HPRT1: variants seen among roughly 807,000 people sequenced by gnomAD.
HPRT1 encodes hypoxanthine-guanine phosphoribosyltransferase.
Under a neutral mutation model 19.0 loss-of-function variants are expected in HPRT1, and 4 were observed. That is an observed-to-expected ratio of 0.21 (90% CI 0.10 to 0.48). HPRT1 has a LOEUF of 0.48. HPRT1 is among the 20% of genes least tolerant of loss of function. HPRT1 has a pLI of 0.98. For missense variants in HPRT1, 65 were observed against 164.0 expected (o/e 0.40, Z 3.30); for synonymous variants, 53 against 54.9 (o/e 0.97, Z 0.15).
In HPRT1 at chrX:134,473,459, T is replaced by A. The variant is rs2077615837; in HGVS notation, c.128T>A (p.Met43Lys). Residue 43 changes from methionine to lysine, a missense_variant, in exon 2 of 9, where the codon ATG (methionine) becomes AAG (lysine). Physicochemically the swap from Met to Lys is moderately conservative, Grantham distance 95 (BLOSUM62 -1). Around this residue, in one of 4 missense-constraint regions of HPRT1, gnomAD observed 10 missense variants for 53.0 expected, o/e 0.19. Transcript: ENST00000298556. ...ERVFIPHGLI[M>K]DRTERLARDV... Reference sequence around the variant, plus strand: ...GTGTTTATTCCTCATGGACTAATTATGGACAGGTAAGTAAGATCTTAAAAT... The same window carrying A: ...GTGTTTATTCCTCATGGACTAATTAAGGACAGGTAAGTAAGATCTTAAAAT... The A allele has an allele frequency of 9.3e-7, 1 of 1,081,072 alleles. No homozygotes were observed. The highest frequency in any genetic ancestry group is 1.3e-6 in the Non-Finnish European group (1 of 777,444). The allele number at this position is 1,081,072 out of a possible 1,213,427, so 89.1% of individuals were successfully genotyped here. A position where few individuals can be genotyped will look rare whatever the true frequency, so the allele number is the denominator to read the frequency against.
intron 1 of HPRT1, among the ~76,000 whole-genome samples, chrX:134,463,587 C>T (rs1299180090): frequency 1.8e-5 from 2 of 111,490 alleles, no homozygotes; most frequent in African/African-American, 6.5e-5. Context: ...TACTACAAGT[C>T]TACTTTGTTT....
At chrX:134,463,257 C>T (rs1032178438) in intron 1 of HPRT1, among the ~76,000 whole-genome samples, 6 of 111,677 alleles carry the variant, frequency 5.4e-5, no homozygotes, top group African/African-American at 2.0e-4. Context: ...CTTGGACACA[C>T]TTGAGCTAAG....
intron 3 of HPRT1, among the ~76,000 whole-genome samples, chrX:134,478,865 A>T (rs1212701085): frequency 1.8e-5 from 2 of 112,114 alleles, no homozygotes; most frequent in Non-Finnish European, 3.8e-5. Context: ...ACTGATTTTA[A>T]GACTTAACAC....
At chrX:134,490,883 C>G (rs746270942) in intron 5 of HPRT1, among the ~76,000 whole-genome samples, 2 of 108,355 alleles carry the variant, frequency 1.8e-5, no homozygotes, top group South Asian at 8.1e-4. Context: ...TAAGGCCTTC[C>G]CTGGCCATCC....
intron 3 of HPRT1, among the ~76,000 whole-genome samples, chrX:134,478,206 T>G (rs1308619399): frequency 8.9e-6 from 1 of 111,990 alleles, no homozygotes; most frequent in African/African-American, 3.2e-5. Context: ...TAAAGAAATA[T>G]TCTATGAACT....
At chrX:134,484,627 T>C (rs994171761) in intron 3 of HPRT1, among the ~76,000 whole-genome samples, 2 of 112,405 alleles carry the variant, frequency 1.8e-5, no homozygotes, top group Non-Finnish European at 3.7e-5. Context: ...TGTTTAAATG[T>C]TGAATAAAAA....
At chrX:134,462,226 G>C in intron 1 of HPRT1, among the ~76,000 whole-genome samples, 1 of 111,119 alleles carries the variant, frequency 9.0e-6, no homozygotes, top group Admixed American at 9.6e-5. Context: ...TGTTGCCCGG[G>C]CTGGAGTACA....
chrX:134,463,060 A>G (rs779912344), intron 1 of HPRT1, among the ~76,000 whole-genome samples: 35 of 112,041 alleles, frequency 3.1e-4, no homozygotes, highest in Non-Finnish European at 6.4e-4. Flanking sequence ...TTTTGCAGGC[A>G]TTATCTAATG....
At chrX:134,480,546 G>A (rs1272460922) in intron 3 of HPRT1, among the ~76,000 whole-genome samples, 22 of 105,751 alleles carry the variant, frequency 2.1e-4, no homozygotes, top group African/African-American at 6.9e-4. Flanking sequence ...CTGGGCTCAA[G>A]GGATCCTCTG....
intron 5 of HPRT1, among the ~76,000 whole-genome samples, chrX:134,492,707 G>A (rs1204151630): frequency 8.9e-6 from 1 of 112,156 alleles, no homozygotes; most frequent in Non-Finnish European, 1.9e-5. Flanking sequence ...TCACAGGAGC[G>A]GCTATCCCGT....
intron 1 of HPRT1, among the ~76,000 whole-genome samples, chrX:134,466,098 A>G (rs1393024853): frequency 3.7e-5 from 4 of 109,392 alleles, no homozygotes; most frequent in Non-Finnish European, 7.6e-5. Flanking sequence ...GGTTGGGCCC[A>G]GGTCTGATTG....
intron 3 of HPRT1, among the ~76,000 whole-genome samples, chrX:134,479,701 G>A (rs2077634427): frequency 9.0e-6 from 1 of 110,853 alleles, no homozygotes; most frequent in African/African-American, 3.3e-5. Context: ...CTCTGCGTGG[G>A]CTCAAGCAAT....
At chrX:134,465,871 T>G (rs957606998) in intron 1 of HPRT1, among the ~76,000 whole-genome samples, 3 of 111,834 alleles carry the variant, frequency 2.7e-5, no homozygotes, top group Non-Finnish European at 3.8e-5. Context: ...CCTCCAGAGC[T>G]CTCAGATATT....
intron 8 of HPRT1, among the ~76,000 whole-genome samples, chrX:134,499,277 G>A (rs1602750243): frequency 9.0e-6 from 1 of 110,758 alleles, no homozygotes; most frequent in Non-Finnish European, 1.9e-5. Context: ...TCAGGAGTTC[G>A]AGACCAGCCT....
intron 3 of HPRT1, among the ~76,000 whole-genome samples, chrX:134,484,970 G>T (rs1336846337): frequency 8.9e-6 from 1 of 111,915 alleles, no homozygotes; most frequent in African/African-American, 3.3e-5. Flanking sequence ...ACCCGGCCCA[G>T]TGAACACTCT....
intron 3 of HPRT1, among the ~76,000 whole-genome samples, chrX:134,485,038 A>G (rs1462616771): frequency 9.0e-6 from 1 of 111,488 alleles, no homozygotes; most frequent in Non-Finnish European, 1.9e-5. Flanking sequence ...CAGAAGTGGG[A>G]TTACTGGATT....
At chrX:134,499,951 C>A in intron 8 of HPRT1, 79 bp from the exon 9 acceptor site, 1 of 659,687 alleles carries the variant, frequency 1.5e-6, no homozygotes, top group Non-Finnish European at 2.5e-6. Context: ...TAATAGTGTT[C>A]TTATATGTAA....
At chrX:134,467,803 C>G (rs2077600746) in intron 1 of HPRT1, among the ~76,000 whole-genome samples, 2 of 89,485 alleles carry the variant, frequency 2.2e-5, no homozygotes, top group African/African-American at 8.0e-5. Flanking sequence ...TAACCTGTAT[C>G]TTTTTTTTTT....
chrX:134,484,390 G>T (rs2077647245), intron 3 of HPRT1, among the ~76,000 whole-genome samples: 1 of 111,602 alleles, frequency 9.0e-6, no homozygotes, highest in Non-Finnish European at 1.9e-5. Context: ...TAGAATAAGG[G>T]ATGTCTGTAA....
Sources: gnomAD v4.1 joint callset for allele counts (sites outside exome capture counted in the v4.1 genomes callset) on GRCh38, gnomAD v4.1.1 for gene constraint, gnomAD v4.1.1 regional missense constraint, MANE v1.5 for transcripts, NCBI Gene and HGNC (gene_info 2026-07-23, HGNC 2026-07-21) for gene names.